The following GRM1 variants were observed in gnomAD, a reference collection of about 807,000 sequenced individuals.
GRM1 encodes glutamate metabotropic receptor 1, also known as metabotropic glutamate receptor 1.
GRM1 carries 33 observed loss-of-function variants against 90.9 expected under a neutral mutation model. That is an observed-to-expected ratio of 0.36 (90% confidence interval 0.28 to 0.49). GRM1 has a LOEUF of 0.49. Among genes scored for constraint, GRM1 ranks in the 20% least tolerant of loss-of-function variants. The pLI, the probability that GRM1 is intolerant of heterozygous loss-of-function variation, is 0.99. For synonymous variants in GRM1, 700 were observed against 613.2 expected (o/e 1.14, Z -2.09); for missense variants, 1,190 against 1,534.3 (o/e 0.78, Z 3.75).
chr6:146,149,795 T>A (rs1777255319), intron 1 of GRM1, among the ~76,000 whole-genome samples: 1 of 152,138 alleles, frequency 6.6e-6, no homozygotes, highest in East Asian at 1.9e-4. Context: ...TAAATCCCCT[T>A]CTTCTACTTG....
At chr6:146,095,165 T>C (rs67882056) in intron 1 of GRM1, among the ~76,000 whole-genome samples, 40,644 of 152,022 alleles carry the variant, frequency 0.27, 5,926 homozygotes, top group Middle Eastern at 0.39. Flanking sequence ...ATGCCTTAAG[T>C]TTGCTGGCAT....
intron 2 of GRM1, among the ~76,000 whole-genome samples, chr6:146,208,969 A>G (rs939159721): frequency 3.9e-5 from 6 of 152,138 alleles, no homozygotes; most frequent in African/African-American, 1.4e-4. Flanking sequence ...AAAAATATTA[A>G]TGATACATAC....
intron 2 of GRM1, among the ~76,000 whole-genome samples, chr6:146,280,969 C>G (rs1782545667): frequency 2.6e-5 from 4 of 152,028 alleles, no homozygotes; most frequent in Admixed American, 2.6e-4. Flanking sequence ...CAACCTCACC[C>G]ATCCTTTCTT....
intron 2 of GRM1, among the ~76,000 whole-genome samples, chr6:146,185,959 T>A (rs1415913897): frequency 6.6e-6 from 1 of 151,820 alleles, no homozygotes; most frequent in African/African-American, 2.4e-5. Flanking sequence ...TCTTTTTTTT[T>A]AAATTTTGAG....
chr6:146,134,160 A>C (rs970140587), intron 1 of GRM1, among the ~76,000 whole-genome samples: 13 of 152,054 alleles, frequency 8.5e-5, no homozygotes, highest in African/African-American at 2.4e-4. Context: ...ATTGAATACC[A>C]CTGTGGGCTC....
At chr6:146,315,554 G>C (rs957788684) in intron 3 of GRM1, among the ~76,000 whole-genome samples, 3 of 152,136 alleles carry the variant, frequency 2.0e-5, no homozygotes, top group African/African-American at 7.2e-5. Context: ...CTTCAGAGCT[G>C]TAGTTCTCAA....
intron 1 of GRM1, among the ~76,000 whole-genome samples, chr6:146,106,949 T>C (rs1419766768): frequency 6.6e-6 from 1 of 152,226 alleles, no homozygotes; most frequent in Non-Finnish European, 1.5e-5. Context: ...ACTTTCTTGA[T>C]TCTGTACTTC....
intron 1 of GRM1, among the ~76,000 whole-genome samples, chr6:146,115,247 C>CACACACACAT (rs1554268353): frequency 6.2e-4 from 82 of 133,038 alleles, no homozygotes; most frequent in East Asian, 1.1e-3. Context: ...CACACACACA[C>CACACACACAT]ATATATATAC....
At chr6:146,393,300 T>A (rs2114554916) in intron 6 of GRM1, among the ~76,000 whole-genome samples, 1 of 152,324 alleles carries the variant, frequency 6.6e-6, no homozygotes, top group African/African-American at 2.4e-5. Context: ...ATGAGCTTTT[T>A]TTCATGTTTA....
chr6:146,302,923 A>T (rs1399541560), intron 2 of GRM1, among the ~76,000 whole-genome samples: 1 of 152,046 alleles, frequency 6.6e-6, no homozygotes, highest in African/African-American at 2.4e-5. Flanking sequence ...GAAGGAAGGA[A>T]GGAAGGAAGG....
chr6:146,310,469 T>C (rs998520127), intron 3 of GRM1, among the ~76,000 whole-genome samples: 11 of 152,170 alleles, frequency 7.2e-5, no homozygotes, highest in Admixed American at 2.0e-4. Flanking sequence ...CTGAAGAATA[T>C]CATTTGCTTT....
chr6:146,406,632 CA>C (rs1216903570), intron 7 of GRM1, among the ~76,000 whole-genome samples: 1 of 152,062 alleles, frequency 6.6e-6, no homozygotes, highest in African/African-American at 2.4e-5. Flanking sequence ...AGTTCAAGAC[CA>C]GCCTGGACAA....
intron 2 of GRM1, among the ~76,000 whole-genome samples, chr6:146,170,595 C>A (rs1778081615): frequency 6.6e-6 from 1 of 152,080 alleles, no homozygotes; most frequent in Non-Finnish European, 1.5e-5. Flanking sequence ...TTTTCAACTC[C>A]AGAATTAATT....
chr6:146,327,718 T>A (rs758200954), intron 3 of GRM1, among the ~76,000 whole-genome samples: 5 of 152,148 alleles, frequency 3.3e-5, no homozygotes, highest in Non-Finnish European at 7.4e-5. Context: ...AGGTAGCTGA[T>A]CCTACAGGGC....
rs560475082 is a variant in GRM1, at chr6:146,171,524, G to A, written c.950+11927G>A. ...TGGATCTCTGGCTAAAAAGTATCCC[G>A]TGACAACCCAGCTGTTAATTGGAAG... On this transcript the variant is annotated intron_variant, in intron 2 of 7. Transcript: ENST00000282753. 2.3e-5 allele frequency: 5 copies of A among 213,438 alleles called. No homozygotes were observed. In the East Asian group the frequency reaches 4.7e-4, roughly 20 times the overall value. The allele number at this position is 213,438 out of a possible 1,614,324, so 13.2% of individuals were successfully genotyped here.
chr6:146,065,172 T>C (rs1168084025), intron 1 of GRM1, among the ~76,000 whole-genome samples: 1 of 152,176 alleles, frequency 6.6e-6, no homozygotes, highest in African/African-American at 2.4e-5. Flanking sequence ...GTGTACCCTG[T>C]AAAAAACATA....
intron 2 of GRM1, among the ~76,000 whole-genome samples, chr6:146,177,066 T>C (rs1281997378): frequency 1.3e-5 from 2 of 152,154 alleles, no homozygotes; most frequent in South Asian, 2.1e-4. Flanking sequence ...CTAAATGGAC[T>C]CAGCCTGAGC....
chr6:146,357,463 A>C, intron 4 of GRM1, 63 bp from the exon 5 acceptor site: 1 of 1,348,580 alleles, frequency 7.4e-7, no homozygotes, highest in South Asian at 1.2e-5. Context: ...CTACTTACCA[A>C]CTTTCTTTGT....
intron 2 of GRM1, among the ~76,000 whole-genome samples, chr6:146,211,212 G>A (rs1216995582): frequency 6.6e-6 from 1 of 151,824 alleles, no homozygotes; most frequent in Non-Finnish European, 1.5e-5. Context: ...AATGAGCATT[G>A]AGTTTGTCTT....
Sources: allele counts gnomAD v4.1 joint callset (sites outside exome capture counted in the v4.1 genomes callset), GRCh38; gene constraint gnomAD v4.1.1; transcripts MANE v1.5; gene names NCBI Gene and HGNC (gene_info 2026-07-23, HGNC 2026-07-21).